The following MAD1L1 variants were observed in gnomAD, a reference collection of about 807,000 sequenced individuals.
The protein encoded by MAD1L1 is mitotic arrest deficient 1 like 1.
In MAD1L1, 95 loss-of-function variants were observed where a neutral mutation model predicts 96.9. The ratio of observed to expected loss-of-function variants is 0.98; its 90% CI spans 0.83 to 1.16. The LOEUF (loss-of-function observed/expected upper bound fraction) is 1.16. Among genes scored for constraint, MAD1L1 ranks in the 50% most tolerant of loss-of-function variants. The pLI is 0.00. For missense variants in MAD1L1, 1,007 were observed against 954.4 expected (o/e 1.06, Z -0.73); for synonymous variants, 473 against 396.6 (o/e 1.19, Z -2.29).
chr7:2,120,954 G>C (rs538520809), intron 11 of MAD1L1, among the ~76,000 whole-genome samples: 1 of 152,198 alleles, frequency 6.6e-6, no homozygotes, highest in Non-Finnish European at 1.5e-5. Context: ...CAGACCTGAC[G>C]TGGGGAGGCC....
chr7:2,095,757 C>A (rs959904253), intron 11 of MAD1L1, among the ~76,000 whole-genome samples: 3 of 152,170 alleles, frequency 2.0e-5, no homozygotes, highest in African/African-American at 4.8e-5. Flanking sequence ...GCAGGGAAGC[C>A]GTGAGGAGAG....
intron 18 of MAD1L1, chr7:1,816,952 T>C (rs1259501823): frequency 6.7e-6 from 1 of 150,256 alleles, no homozygotes; most frequent in East Asian, 2.0e-4. Context: ...ACCACAAAGC[T>C]CCCTCTGAAA....
chr7:1,904,682 C>T (rs1787508801), intron 17 of MAD1L1, among the ~76,000 whole-genome samples: 1 of 130,498 alleles, frequency 7.7e-6, no homozygotes, highest in Non-Finnish European at 1.6e-5. Context: ...AGCACTGTTC[C>T]AGGCAGCGAG....
chr7:1,953,395 C>A (rs561318869), intron 16 of MAD1L1, among the ~76,000 whole-genome samples: 1 of 152,214 alleles, frequency 6.6e-6, no homozygotes, highest in Non-Finnish European at 1.5e-5. Context: ...CCCAGGCCCC[C>A]GCCAGGGAGG....
At chr7:1,980,258 C>A (rs1259311581) in intron 15 of MAD1L1, among the ~76,000 whole-genome samples, 195 bp downstream of exon 15, 3 of 152,062 alleles carry the variant, frequency 2.0e-5, no homozygotes, top group South Asian at 2.1e-4. Context: ...GTGCCCACCT[C>A]CCCCCACCCC....
intron 18 of MAD1L1, among the ~76,000 whole-genome samples, chr7:1,892,704 CAT>C (rs748886959): frequency 1.4e-4 from 21 of 152,194 alleles, no homozygotes; most frequent in South Asian, 8.3e-4. Context: ...GACATCGCCA[CAT>C]GTTTGTGCAG....
chr7:1,912,819 C>T (rs148465377), intron 17 of MAD1L1, among the ~76,000 whole-genome samples: 1 of 152,228 alleles, frequency 6.6e-6, no homozygotes, highest in Non-Finnish European at 1.5e-5. Flanking sequence ...CATCTGTTTC[C>T]GGAAGCTTCC....
chr7:2,219,282 T>C, intron 6 of MAD1L1, 50 bp downstream of exon 6: 1 of 1,498,624 alleles, frequency 6.7e-7, no homozygotes, highest in Non-Finnish European at 9.0e-7. Flanking sequence ...GTGGGACGCA[T>C]GCCCCCACAC....
chr7:2,035,062 T>G (rs924334757), intron 12 of MAD1L1, among the ~76,000 whole-genome samples: 1 of 151,920 alleles, frequency 6.6e-6, no homozygotes, highest in Non-Finnish European at 1.5e-5. Flanking sequence ...GGACACAAAC[T>G]CCACAGGGAA....
chr7:2,071,670 G>A (rs1194868593), intron 11 of MAD1L1, among the ~76,000 whole-genome samples: 1 of 152,066 alleles, frequency 6.6e-6, no homozygotes, highest in East Asian at 1.9e-4. Context: ...GTTCACCAAT[G>A]AGCAGGGGCG....
At chr7:1,938,804 C>T (rs371291384) in intron 16 of MAD1L1, among the ~76,000 whole-genome samples, 37 of 145,298 alleles carry the variant, frequency 2.5e-4, no homozygotes, top group African/African-American at 6.2e-4. Flanking sequence ...GGACCAGAGG[C>T]GCACACACAC....
intron 11 of MAD1L1, among the ~76,000 whole-genome samples, chr7:2,115,120 C>G (rs371305590): frequency 6.6e-6 from 1 of 152,246 alleles, no homozygotes. Flanking sequence ...GGGCCCACCA[C>G]TGGCACACTG....
Position 2,176,445 on chromosome 7 carries a change from G to A in MAD1L1, c.987-27207C>T, listed in dbSNP as rs1052148794. 5.3e-5 allele frequency among the ~76,000 whole-genome samples: 8 copies of A among 152,104 alleles called. No individual in the cohort carries two copies. In the East Asian group the frequency reaches 5.8e-4, roughly 11 times the overall value. The stretch of plus-strand genomic sequence containing the variant: ...TCTGCTACCACCACTGCTATTTCAC[G>A]TCGTACCAGAGGTCCCGGCCAATGT... On this transcript the variant is annotated intron_variant, in intron 10 of 18. Coordinates refer to ENST00000265854, the MANE Select transcript of MAD1L1 (RefSeq NM_001013836.2).
chr7:1,886,577 CACTGTG>C (rs1386239018), intron 18 of MAD1L1, among the ~76,000 whole-genome samples: 1 of 152,258 alleles, frequency 6.6e-6, no homozygotes, highest in Non-Finnish European at 1.5e-5. Flanking sequence ...TCGCACACCA[CACTGTG>C]TCTGCAAACA....
intron 3 of MAD1L1, among the ~76,000 whole-genome samples, chr7:2,228,470 C>G (rs1794023048): frequency 6.6e-6 from 1 of 152,016 alleles, no homozygotes; most frequent in Non-Finnish European, 1.5e-5. Context: ...TCAGGCTGGT[C>G]TCAAATTCCT....
intron 13 of MAD1L1, among the ~76,000 whole-genome samples, chr7:2,008,490 C>T (rs1008771017): frequency 4.6e-5 from 7 of 152,250 alleles, no homozygotes; most frequent in Non-Finnish European, 1.0e-4. Flanking sequence ...CAAGAGCTCC[C>T]CAAGCTCAGG....
At chr7:2,017,725 G>A (rs560933893) in intron 12 of MAD1L1, among the ~76,000 whole-genome samples, 1 of 152,316 alleles carries the variant, frequency 6.6e-6, no homozygotes. Flanking sequence ...GCTCCGGCGC[G>A]CTAATTACCA....
intron 11 of MAD1L1, among the ~76,000 whole-genome samples, chr7:2,098,661 G>A (rs3778965): frequency 0.3 from 45,354 of 152,082 alleles, 8,335 homozygotes; most frequent in East Asian, 0.51. Context: ...CGGAGGACAC[G>A]GCACATGCAA....
intron 15 of MAD1L1, among the ~76,000 whole-genome samples, chr7:1,967,877 G>A (rs1345194426): frequency 4.7e-5 from 7 of 147,510 alleles, no homozygotes; most frequent in Admixed American, 4.6e-4. Context: ...GTTCCGGTGC[G>A]TGCACCAGAT....
Sources: allele counts gnomAD v4.1 joint callset (sites outside exome capture counted in the v4.1 genomes callset), GRCh38; gene constraint gnomAD v4.1.1; transcripts MANE v1.5; gene names NCBI Gene and HGNC (gene_info 2026-07-23, HGNC 2026-07-21).